The following EPAS1 variants were observed in gnomAD, a reference collection of about 807,000 sequenced individuals.
The protein encoded by EPAS1 is endothelial PAS domain protein 1.
EPAS1 carries 23 observed loss-of-function variants against 87.9 expected under a neutral mutation model. That is an observed-to-expected ratio of 0.26 (90% CI 0.19 to 0.37). The LOEUF (loss-of-function observed/expected upper bound fraction) is 0.37, where lower values mean the gene tolerates loss of function less well. Among genes scored for constraint, EPAS1 ranks in the 10% least tolerant of loss-of-function variants. EPAS1 has a pLI of 1.00. For synonymous variants in EPAS1, 508 were observed against 444.3 expected (o/e 1.14, Z -1.80); for missense variants, 1,138 against 1,120.7 (o/e 1.02, Z -0.22).
chr2:46,324,583 A>G (rs1306241307), intron 1 of EPAS1, among the ~76,000 whole-genome samples: 1 of 152,212 alleles, frequency 6.6e-6, no homozygotes, highest in Non-Finnish European at 1.5e-5. Context: ...GGGAGCATTT[A>G]TGTCCCTGTT....
At chr2:46,383,536 T>G (rs997043831) in intron 15 of EPAS1, among the ~76,000 whole-genome samples, 2 of 152,216 alleles carry the variant, frequency 1.3e-5, no homozygotes, top group African/African-American at 4.8e-5. Context: ...GTCCAGGCTG[T>G]AGAAACACCA....
intron 1 of EPAS1, among the ~76,000 whole-genome samples, chr2:46,324,779 G>C (rs914432596): frequency 2.0e-5 from 3 of 152,242 alleles, no homozygotes; most frequent in African/African-American, 7.2e-5. Context: ...AGGAGAGACA[G>C]AGTCCTCCAT....
At position 46,324,393 on chromosome 2, in the gene EPAS1, C is replaced by T. The variant is rs1291813679; in HGVS notation, c.27-22480C>T. On this transcript the variant is annotated intron_variant, in intron 1 of 15. Coordinates refer to ENST00000263734, the MANE Select transcript of EPAS1 (RefSeq NM_001430.5). ...TAATTATGTTTTTATATGAATTGCA[C>T]ACCCCACAGTTCTTAGCAAGGCCCA... 2.6e-5 allele frequency among the ~76,000 whole-genome samples: 4 copies of T among 152,290 alleles called. No homozygotes were observed. The East Asian group carries it at 5.8e-4, about 22-fold the overall frequency.
At chr2:46,348,755 T>C (rs575961472) in intron 2 of EPAS1, among the ~76,000 whole-genome samples, 121 of 152,384 alleles carry the variant, frequency 7.9e-4, no homozygotes, top group Middle Eastern at 3.4e-3. Context: ...TTTGGAATGC[T>C]TGCATTGTAT....
Position 46,360,861 on chromosome 2 carries a change from C to G in EPAS1, c.574-24C>G. Reference sequence around the variant, plus strand: ...ACCCCCAGCACTCTCGGCTCCATGTCTGACCCTTCCACGCCTGTCTCAGGT... The same window carrying G: ...ACCCCCAGCACTCTCGGCTCCATGTGTGACCCTTCCACGCCTGTCTCAGGT... On this transcript the variant is annotated intron_variant, in intron 5 of 15. Transcript: ENST00000263734. This position sits in a 1 kb window ranked among gnomAD's most constrained non-coding sequence, Gnocchi z 4.5. The G allele has an allele frequency of 6.2e-7, 1 of 1,614,114 alleles. No homozygotes were observed. The highest frequency in any genetic ancestry group is 8.5e-7 in the Non-Finnish European group (1 of 1,179,970).
At chr2:46,352,103 T>A (rs1684174003) in intron 2 of EPAS1, among the ~76,000 whole-genome samples, 1 of 152,296 alleles carries the variant, frequency 6.6e-6, no homozygotes, top group South Asian at 2.1e-4. Context: ...ACCTCTGGTT[T>A]TAATGAGCCA....
intron 1 of EPAS1, among the ~76,000 whole-genome samples, chr2:46,331,238 T>TCTCC (rs1683666239): frequency 1.3e-5 from 2 of 152,202 alleles, no homozygotes; most frequent in South Asian, 4.1e-4. Context: ...GCTCAGTGTG[T>TCTCC]CTCCCTGACT....
At chr2:46,323,043 T>C (rs1429146737) in intron 1 of EPAS1, among the ~76,000 whole-genome samples, 1 of 152,254 alleles carries the variant, frequency 6.6e-6, no homozygotes, top group Non-Finnish European at 1.5e-5. Context: ...TCCAGTCTTA[T>C]CTGCCTAGGA....
At chr2:46,318,205 C>CAA (rs1313394122) in intron 1 of EPAS1, among the ~76,000 whole-genome samples, 3 of 136,520 alleles carry the variant, frequency 2.2e-5, no homozygotes, top group South Asian at 2.4e-4. Flanking sequence ...CACAAACACA[C>CAA]ACACGCACAC....
chr2:46,332,060 C>T (rs1683686856), intron 1 of EPAS1, among the ~76,000 whole-genome samples: 3 of 152,176 alleles, frequency 2.0e-5, no homozygotes, highest in Admixed American at 1.3e-4. Context: ...GTGTCACCAG[C>T]GGCCCTGTCT....
chr2:46,314,192 G>T (rs1026686622), intron 1 of EPAS1, among the ~76,000 whole-genome samples: 6 of 152,104 alleles, frequency 3.9e-5, no homozygotes, highest in Non-Finnish European at 8.8e-5. Context: ...GTCTTATTTG[G>T]CAATGTTTAC....
intron 1 of EPAS1, among the ~76,000 whole-genome samples, chr2:46,320,437 T>A (rs1683431859): frequency 6.6e-6 from 1 of 152,230 alleles, no homozygotes; most frequent in Non-Finnish European, 1.5e-5. Context: ...AACTCCTACG[T>A]GGAAAAGTGC....
At chr2:46,325,460 G>T (rs922399424) in intron 1 of EPAS1, among the ~76,000 whole-genome samples, 2 of 152,206 alleles carry the variant, frequency 1.3e-5, no homozygotes, top group African/African-American at 4.8e-5. Flanking sequence ...TAGCCTCAGT[G>T]TTAGAATATC....
At chr2:46,384,004 G>A (rs1360051734) in intron 15 of EPAS1, among the ~76,000 whole-genome samples, 1 of 152,144 alleles carries the variant, frequency 6.6e-6, no homozygotes, top group Non-Finnish European at 1.5e-5. Context: ...TGCTGCGAGT[G>A]TCCCCCCTGC....
At chr2:46,338,236 A>G (rs1461942500) in intron 1 of EPAS1, among the ~76,000 whole-genome samples, 1 of 152,166 alleles carries the variant, frequency 6.6e-6, no homozygotes, top group Non-Finnish European at 1.5e-5. Flanking sequence ...TTATGTGTAA[A>G]ATGGGAGTGA....
At chr2:46,342,225 A>G (rs539428460) in intron 1 of EPAS1, among the ~76,000 whole-genome samples, 3 of 152,290 alleles carry the variant, frequency 2.0e-5, no homozygotes, top group African/African-American at 2.4e-5. Flanking sequence ...CCAGTTAAGT[A>G]TGGGGACCAG....
chr2:46,314,524 T>C (rs1185136422), intron 1 of EPAS1, among the ~76,000 whole-genome samples: 1 of 152,218 alleles, frequency 6.6e-6, no homozygotes, highest in South Asian at 2.1e-4. Context: ...CAAAGGCAAG[T>C]GCCAATCAGC....
rs1684021567 is a variant in EPAS1, at chr2:46,346,247, C to A, written c.27-626C>A. On this transcript the variant is annotated intron_variant, in intron 1 of 15. Coordinates refer to ENST00000263734, the MANE Select transcript of EPAS1 (RefSeq NM_001430.5). The surrounding 1 kb of genome is among the most constrained non-coding windows in gnomAD (Gnocchi z 4.0). ...GGCTTAGAGAGAAAATGTTTGTGCCCACTCCTTTTTAATCCTTGACAGAAC... is the reference window on the plus strand; with the variant it reads ...GGCTTAGAGAGAAAATGTTTGTGCCAACTCCTTTTTAATCCTTGACAGAAC... Among the ~76,000 whole-genome samples the A allele has an allele frequency of 6.6e-6, 1 of 152,170 alleles. No homozygotes were observed. Among genetic ancestry groups the A allele is most frequent in the African/African-American group, 2.4e-5 (1 of 41,434 alleles).
chr2:46,356,124 A>AGGGGGGGGGGGGGGGGGGGG, intron 2 of EPAS1, 27 bp from the exon 3 acceptor site: 1 of 1,335,370 alleles, frequency 7.5e-7, no homozygotes, highest in Non-Finnish European at 1.1e-6. Context: ...CATTCATGCA[A>AGGGGGGGGGGGGGGGGGGGG]GCTGTCCCAC....
Sources: gnomAD v4.1 joint callset for allele counts (sites outside exome capture counted in the v4.1 genomes callset) on GRCh38, gnomAD v4.1.1 for gene constraint, Gnocchi (gnomAD v3.1) non-coding constraint, MANE v1.5 for transcripts, NCBI Gene and HGNC (gene_info 2026-07-23, HGNC 2026-07-21) for gene names.